Variants in SVIP observed in about 807,000 individuals in gnomAD.
The protein encoded by SVIP is small VCP/p97-interacting protein.
In SVIP, 14 loss-of-function variants were observed where a neutral mutation model predicts 12.9. The observed-to-expected ratio is 1.08, with a 90% CI of 0.72 to 1.70. The LOEUF is 1.70. SVIP is among the 40% of genes most tolerant of loss of function. SVIP has a pLI of 0.00. For synonymous variants in SVIP, 35 were observed against 33.3 expected (o/e 1.05, Z -0.17); for missense variants, 93 against 90.8 (o/e 1.02, Z -0.10).
At chr11:22,823,428 T>C (rs1429323034) in intron 3 of SVIP, among the ~76,000 whole-genome samples, 1 of 152,210 alleles carries the variant, frequency 6.6e-6, no homozygotes, top group Non-Finnish European at 1.5e-5. Flanking sequence ...GTGCTGGGAA[T>C]GTAACATCCT....
At chr11:22,824,609 A>G (rs1857624328) in intron 3 of SVIP, among the ~76,000 whole-genome samples, 1 of 151,946 alleles carries the variant, frequency 6.6e-6, no homozygotes, top group Non-Finnish European at 1.5e-5. Flanking sequence ...CTTAGAGGCC[A>G]TAATTCTGTG....
chr11:22,821,098 T>G lies in SVIP; in HGVS notation c.*2021A>C, dbSNP rs1857466567. On this transcript the variant is annotated 3_prime_UTR_variant, in exon 4 of 4. Transcript: ENST00000354193. ...ATATATAAATTAGAATTTGCAGATA[T>G]TATGTGTATATATATACACACATAT... 6.7e-6 allele frequency: 1 copy of G among 148,250 alleles called. No homozygotes were observed. 9.2% of individuals were successfully genotyped at this position (148,250 alleles called of 1,614,324 possible).
Position 22,821,557 on chromosome 11 carries a change from G to C in SVIP, c.*1562C>G, listed in dbSNP as rs1409634350. On this transcript the variant is annotated 3_prime_UTR_variant, in exon 4 of 4. Coordinates refer to ENST00000354193, the MANE Select transcript of SVIP (RefSeq NM_148893.3). Reference sequence around the variant, plus strand: ...TATATTAAAATGGAAGAAAGGATTTGCAGAGTTCAAGGATGATATGCTCTA... The same window carrying C: ...TATATTAAAATGGAAGAAAGGATTTCCAGAGTTCAAGGATGATATGCTCTA... 1 of 152,058 alleles carries C rather than the reference G, an allele frequency of 6.6e-6. No homozygotes were observed. Among genetic ancestry groups the C allele is most frequent in the African/African-American group, 2.4e-5 (1 of 41,420 alleles). The allele number at this position is 152,058 out of a possible 1,614,324, so 9.4% of individuals were successfully genotyped here.
At chr11:22,829,536 C>A in intron 1 of SVIP, 159 bp downstream of exon 1, 1 of 668,552 alleles carries the variant, frequency 1.5e-6, no homozygotes, top group South Asian at 2.0e-5. Context: ...TCTGACAGGA[C>A]CCAACGACCC....
chr11:22,823,039 A>G lies in SVIP; in HGVS notation c.*80T>C. 1 of 1,231,168 alleles carries G rather than the reference A, an allele frequency of 8.1e-7. No homozygotes were observed. Among genetic ancestry groups the G allele is most frequent in the Non-Finnish European group, 1.1e-6 (1 of 882,082 alleles). 76.3% of individuals were successfully genotyped at this position (1,231,168 alleles called of 1,614,324 possible). A position where few individuals can be genotyped will look rare whatever the true frequency, so the allele number is the denominator to read the frequency against. On this transcript the variant is annotated 3_prime_UTR_variant, in exon 4 of 4. Transcript: ENST00000354193. ...CTGAATCTTCATTTACTCAAAGAGA[A>G]GAAATTAAATTGATGAAGCCCACTT...
intron 3 of SVIP, among the ~76,000 whole-genome samples, chr11:22,823,909 G>A (rs866433591): frequency 6.6e-6 from 1 of 152,114 alleles, no homozygotes. Flanking sequence ...TTTTTGTAGA[G>A]ACAGGGTCTC....
At chr11:22,829,660 G>A (rs776895870) in intron 1 of SVIP, 35 bp downstream of exon 1, 2 of 1,557,496 alleles carry the variant, frequency 1.3e-6, no homozygotes, top group South Asian at 1.2e-5. Flanking sequence ...TGCTCAAGGC[G>A]CGGCCCGGCG....
intron 1 of SVIP, among the ~76,000 whole-genome samples, chr11:22,828,689 T>G (rs558061449): frequency 2.0e-5 from 3 of 152,222 alleles, no homozygotes; most frequent in African/African-American, 2.4e-5. Flanking sequence ...ACATGTTATA[T>G]TTTATCGACA....
rs1857542864 is a variant in SVIP, at chr11:22,823,152, A to G, written c.220-19T>C. 6.4e-7 allele frequency: 1 copy of G among 1,572,368 alleles called. No homozygotes were observed. Among genetic ancestry groups the G allele is most frequent in the Non-Finnish European group, 8.7e-7 (1 of 1,154,568 alleles). On this transcript the variant is annotated intron_variant, in intron 3 of 3. Coordinates refer to ENST00000354193, the MANE Select transcript of SVIP (RefSeq NM_148893.3). ...CTGTCCACTAGAAAAGATAAAAAAG[A>G]GACAGAAAAGTAAATTTTACTTGAA...
At position 22,820,338 on chromosome 11, in the gene SVIP, T is replaced by A. The variant is rs534225130; in HGVS notation, c.*2781A>T. 6.6e-6 allele frequency: 1 copy of A among 152,340 alleles called. No homozygotes were observed. Among genetic ancestry groups the A allele is most frequent in the Admixed American group, 6.5e-5 (1 of 15,302 alleles). The allele number at this position is 152,340 out of a possible 1,614,324, so 9.4% of individuals were successfully genotyped here. ...AATTCAAAGTTCATGTCCATTTTCC[T>A]GGGGTACAAAGGATAGACAGAATTT... On this transcript the variant is annotated 3_prime_UTR_variant, in exon 4 of 4. Coordinates refer to ENST00000354193, the MANE Select transcript of SVIP (RefSeq NM_148893.3).
At chr11:22,829,428 G>A (rs1267691550) in intron 1 of SVIP, 1 of 396,140 alleles carries the variant, frequency 2.5e-6, no homozygotes, top group African/African-American at 2.1e-5. Flanking sequence ...ATCCGGCGCA[G>A]CTAAAGTCAG....
At chr11:22,829,354 T>C (rs1483392557) in intron 1 of SVIP, 1 of 252,990 alleles carries the variant, frequency 4.0e-6, no homozygotes, top group African/African-American at 2.2e-5. Flanking sequence ...CCGAATTCCA[T>C]CTACCACATC....
chr11:22,827,953 C>T lies in SVIP; in HGVS notation c.55-79G>A, dbSNP rs1415176341. ...ATTATTCACATTTATTTCATAGGCA[C>T]TATAACAATTTACAAAAATATTCGG... is the stretch of plus-strand genomic sequence containing the variant. On this transcript the variant is annotated intron_variant, in intron 1 of 3. Transcript: ENST00000354193. The T allele has an allele frequency of 9.6e-6, 11 of 1,149,552 alleles. No homozygotes were observed. In the East Asian group the frequency reaches 2.5e-4, roughly 26 times the overall value. 71.2% of individuals were successfully genotyped at this position (1,149,552 alleles called of 1,614,324 possible).
rs1857517533 is a variant in SVIP at position 22,822,334 on chromosome 11, A to T, written c.*785T>A. The T allele has an allele frequency of 6.6e-6, 1 of 152,168 alleles. No individual in the cohort carries two copies. The highest frequency in any genetic ancestry group is 2.4e-5 in the African/African-American group (1 of 41,462). 9.4% of individuals were successfully genotyped at this position (152,168 alleles called of 1,614,324 possible). A position where few individuals can be genotyped will look rare whatever the true frequency, so the allele number is the denominator to read the frequency against. Reference sequence around the variant, plus strand: ...TTAACACTACTTATGAAATATGGACAAATATATTACTACTCATTATAACCC... The same window carrying T: ...TTAACACTACTTATGAAATATGGACTAATATATTACTACTCATTATAACCC... On this transcript the variant is annotated 3_prime_UTR_variant, in exon 4 of 4. Transcript: ENST00000354193.
At chr11:22,826,086 A>G (rs536714016) in intron 3 of SVIP, among the ~76,000 whole-genome samples, 1 of 152,330 alleles carries the variant, frequency 6.6e-6, no homozygotes, top group African/African-American at 2.4e-5. Context: ...CATAAGCAAA[A>G]TGGTCAGACT....
chr11:22,819,356 T>A lies in SVIP; in HGVS notation c.*3763A>T, dbSNP rs1044099464. 6.6e-6 allele frequency: 1 copy of A among 152,212 alleles called. No homozygotes were observed. The highest frequency in any genetic ancestry group is 2.4e-5 in the African/African-American group (1 of 41,450). The allele number at this position is 152,212 out of a possible 1,614,324, so 9.4% of individuals were successfully genotyped here. ...AAATAGCCTAGAGAGCACCAATCTGTGTGCAAAACTAATTAGTTCCACTTG... is the reference window on the plus strand; with the variant it reads ...AAATAGCCTAGAGAGCACCAATCTGAGTGCAAAACTAATTAGTTCCACTTG... On this transcript the variant is annotated 3_prime_UTR_variant, in exon 4 of 4. Coordinates refer to ENST00000354193, the MANE Select transcript of SVIP (RefSeq NM_148893.3).
chr11:22,821,780 T>G lies in SVIP; in HGVS notation c.*1339A>C, dbSNP rs1169334996. The G allele has an allele frequency of 2.0e-5, 3 of 152,186 alleles. No individual in the cohort carries two copies. Among genetic ancestry groups the G allele is most frequent in the Non-Finnish European group, 4.4e-5 (3 of 68,018 alleles). 9.4% of individuals were successfully genotyped at this position (152,186 alleles called of 1,614,324 possible). A position where few individuals can be genotyped will look rare whatever the true frequency, so the allele number is the denominator to read the frequency against. The stretch of plus-strand genomic sequence containing the variant: ...TTTGCCTAGATATTCACACAATATT[T>G]CACACCATAATAGAAAAAATAATTT... On this transcript the variant is annotated 3_prime_UTR_variant, in exon 4 of 4. Coordinates refer to ENST00000354193, the MANE Select transcript of SVIP (RefSeq NM_148893.3).
intron 1 of SVIP, among the ~76,000 whole-genome samples, chr11:22,828,519 A>C (rs2134771284): frequency 6.6e-6 from 1 of 152,310 alleles, no homozygotes; most frequent in African/African-American, 2.4e-5. Flanking sequence ...ATGGCAGATA[A>C]GTAATGGGAG....
Position 22,823,035 on chromosome 11 carries a change from G to A in SVIP, c.*84C>T. 8.4e-7 allele frequency: 1 copy of A among 1,196,360 alleles called. No individual in the cohort carries two copies. The highest frequency in any genetic ancestry group is 1.2e-6 in the Non-Finnish European group (1 of 857,146). 74.1% of individuals were successfully genotyped at this position (1,196,360 alleles called of 1,614,324 possible). A position where few individuals can be genotyped will look rare whatever the true frequency, so the allele number is the denominator to read the frequency against. On this transcript the variant is annotated 3_prime_UTR_variant, in exon 4 of 4. Transcript: ENST00000354193. ...AAGTCTGAATCTTCATTTACTCAAA[G>A]AGAAGAAATTAAATTGATGAAGCCC...
Sources: gnomAD v4.1 joint callset for allele counts (sites outside exome capture counted in the v4.1 genomes callset) on GRCh38, gnomAD v4.1.1 for gene constraint, MANE v1.5 for transcripts, NCBI Gene and HGNC (gene_info 2026-07-23, HGNC 2026-07-21) for gene names.